The following TRAPPC9 variants were observed in gnomAD, a reference collection of about 807,000 sequenced individuals.
TRAPPC9 encodes trafficking protein particle complex subunit 9.
Under a neutral mutation model 124.0 loss-of-function variants are expected in TRAPPC9, and 83 were observed. The ratio of observed to expected loss-of-function variants is 0.67; its 90% confidence interval spans 0.56 to 0.80. The LOEUF (loss-of-function observed/expected upper bound fraction) is 0.80. Ranked by LOEUF, TRAPPC9 falls within the 30% of genes least tolerant of loss-of-function variation. TRAPPC9 has a pLI of 0.00. For missense variants in TRAPPC9, 1,302 were observed against 1,508.3 expected (o/e 0.86, Z 2.27); for synonymous variants, 638 against 617.5 (o/e 1.03, Z -0.49).
chr8:139,802,524 T>C (rs1057316277), intron 21 of TRAPPC9, among the ~76,000 whole-genome samples: 9 of 152,184 alleles, frequency 5.9e-5, no homozygotes, highest in Non-Finnish European at 1.2e-4. Flanking sequence ...TCTGACTCAG[T>C]TCCTTCAACT....
rs113530055 is a variant in TRAPPC9 at position 140,045,570 on chromosome 8, C to T, written c.2557-21491G>A. Among the ~76,000 whole-genome samples the T allele has an allele frequency of 5.1e-3, 700 of 136,930 alleles. 7 individuals are homozygous for T. The highest frequency in any genetic ancestry group is 0.017 in the African/African-American group (625 of 36,326). 89.8% of individuals were successfully genotyped at this position (136,930 alleles called of 152,430 possible). A position where few individuals can be genotyped will look rare whatever the true frequency, so the allele number is the denominator to read the frequency against. On this transcript the variant is annotated intron_variant, in intron 17 of 22. Coordinates refer to ENST00000438773, the MANE Select transcript of TRAPPC9 (RefSeq NM_001160372.4). ...TGAATCTGGGAGGCGGAGGTTGTAGCGACCTGAGATCGCGCCACTGCACTC... is the reference window on the plus strand; with the variant it reads ...TGAATCTGGGAGGCGGAGGTTGTAGTGACCTGAGATCGCGCCACTGCACTC...
chr8:139,991,699 G>T (rs940479907), intron 18 of TRAPPC9, among the ~76,000 whole-genome samples: 2 of 151,906 alleles, frequency 1.3e-5, no homozygotes, highest in Admixed American at 1.3e-4. Flanking sequence ...ACGTTTGCCT[G>T]GCTTAGAAGA....
intron 1 of TRAPPC9, among the ~76,000 whole-genome samples, chr8:140,454,639 T>A (rs1588389774): frequency 4.9e-4 from 11 of 22,340 alleles, no homozygotes; most frequent in East Asian, 1.2e-3. Flanking sequence ...AGACTCCCTC[T>A]CAAAAAAAAA....
chr8:140,086,024 A>C (rs751230868), intron 17 of TRAPPC9, among the ~76,000 whole-genome samples: 7 of 152,146 alleles, frequency 4.6e-5, no homozygotes, highest in Non-Finnish European at 1.0e-4. Flanking sequence ...AACTCTAAGA[A>C]GACTTCTCCA....
At chr8:139,888,889 T>C (rs2131137869) in intron 20 of TRAPPC9, among the ~76,000 whole-genome samples, 1 of 152,344 alleles carries the variant, frequency 6.6e-6, no homozygotes, top group East Asian at 1.9e-4. Context: ...GAGCTGACTG[T>C]GACCCAACAG....
chr8:139,936,877 G>GC (rs374564083), intron 19 of TRAPPC9, among the ~76,000 whole-genome samples: 2 of 65,414 alleles, frequency 3.1e-5, no homozygotes, highest in African/African-American at 6.6e-5. Flanking sequence ...GAGAGAGTGG[G>GC]GAGTGGGCAC....
intron 17 of TRAPPC9, among the ~76,000 whole-genome samples, chr8:140,180,432 G>A (rs994701290): frequency 4.6e-5 from 7 of 151,896 alleles, no homozygotes; most frequent in Non-Finnish European, 8.8e-5. Context: ...TGCTTAAAAT[G>A]TGATCAATAT....
Position 139,893,362 on chromosome 8 carries a change from C to A in TRAPPC9, c.2965-7393G>T, listed in dbSNP as rs1056955615. Among the ~76,000 whole-genome samples the A allele has an allele frequency of 9.2e-5, 14 of 152,340 alleles. No homozygotes were observed. In the South Asian group the frequency reaches 2.7e-3, roughly 29 times the overall value. On this transcript the variant is annotated intron_variant, in intron 20 of 22. Transcript: ENST00000438773. ...CTTCTTCTACCTGGCAGACTCCTCT[C>A]TTTCAGACCCAACACAACCATGCCC...
intron 2 of TRAPPC9, among the ~76,000 whole-genome samples, chr8:140,444,211 CAAA>C (rs35984317): frequency 1.8e-4 from 12 of 66,660 alleles, no homozygotes; most frequent in Non-Finnish European, 2.2e-4. Context: ...GACTCTGTCT[CAAA>C]AAAAAAAAAA....
intron 19 of TRAPPC9, among the ~76,000 whole-genome samples, chr8:139,915,321 A>G (rs1832053219): frequency 6.6e-6 from 1 of 152,086 alleles, no homozygotes; most frequent in Non-Finnish European, 1.5e-5. Context: ...ATCTCTGCTC[A>G]CTGCAACCTC....
intron 21 of TRAPPC9, among the ~76,000 whole-genome samples, chr8:139,793,400 T>G (rs1822832628): frequency 6.6e-6 from 1 of 152,162 alleles, no homozygotes; most frequent in African/African-American, 2.4e-5. Flanking sequence ...GGACTCCTGT[T>G]CAGCCCACAG....
chr8:140,176,094 G>A (rs753049763), intron 17 of TRAPPC9, among the ~76,000 whole-genome samples: 5 of 152,198 alleles, frequency 3.3e-5, no homozygotes, highest in Admixed American at 6.5e-5. Flanking sequence ...TGAACACATC[G>A]ACAGGCTGAG....
chr8:140,030,415 A>G (rs1840431497), intron 17 of TRAPPC9, among the ~76,000 whole-genome samples: 1 of 152,244 alleles, frequency 6.6e-6, no homozygotes, highest in Admixed American at 6.5e-5. Flanking sequence ...TGCTGGTGGC[A>G]CTATAAAATA....
chr8:140,224,671 T>C lies in TRAPPC9; in HGVS notation c.2432-3088A>G, dbSNP rs568855517. On this transcript the variant is annotated intron_variant, in intron 16 of 22. Coordinates refer to ENST00000438773, the MANE Select transcript of TRAPPC9 (RefSeq NM_001160372.4). Reference sequence around the variant, plus strand: ...CCAGAATTTATTCCTTGTCACTCCTTGTTCTACCCCCATTTTTTTTTACCT... The same window carrying C: ...CCAGAATTTATTCCTTGTCACTCCTCGTTCTACCCCCATTTTTTTTTACCT... 1.7e-4 allele frequency among the ~76,000 whole-genome samples: 26 copies of C among 152,324 alleles called. 1 individual carries two copies. In the South Asian group the frequency reaches 5.4e-3, roughly 32 times the overall value.
intron 8 of TRAPPC9, among the ~76,000 whole-genome samples, chr8:140,366,009 G>A (rs1472932826): frequency 6.6e-6 from 1 of 152,176 alleles, no homozygotes; most frequent in Non-Finnish European, 1.5e-5. Context: ...ACTTATAAGT[G>A]AGAACATGTG....
At chr8:139,786,700 T>C (rs1194556419) in intron 21 of TRAPPC9, among the ~76,000 whole-genome samples, 4 of 152,178 alleles carry the variant, frequency 2.6e-5, no homozygotes, top group African/African-American at 4.8e-5. Context: ...TGTTATGGTA[T>C]ATGCATACAG....
intron 17 of TRAPPC9, among the ~76,000 whole-genome samples, chr8:140,201,573 T>C (rs1359416670): frequency 6.6e-6 from 1 of 152,334 alleles, no homozygotes; most frequent in East Asian, 1.9e-4. Context: ...TTACAAAATA[T>C]CTTTGATTCC....
intron 17 of TRAPPC9, among the ~76,000 whole-genome samples, chr8:140,034,052 T>C (rs1840724454): frequency 6.6e-6 from 1 of 152,196 alleles, no homozygotes; most frequent in Admixed American, 6.5e-5. Flanking sequence ...TTCCAGATGG[T>C]AATAGTGTTT....
intron 21 of TRAPPC9, among the ~76,000 whole-genome samples, chr8:139,810,195 A>G (rs1022902259): frequency 1.3e-5 from 2 of 152,154 alleles, no homozygotes; most frequent in Non-Finnish European, 2.9e-5. Context: ...GGAAGAAGCA[A>G]AGAGGATGGG....
Sources: gnomAD v4.1 joint callset for allele counts (sites outside exome capture counted in the v4.1 genomes callset) on GRCh38, gnomAD v4.1.1 for gene constraint, MANE v1.5 for transcripts, NCBI Gene and HGNC (gene_info 2026-07-23, HGNC 2026-07-21) for gene names.